Variants in SLC25A26 observed in about 807,000 individuals in gnomAD.
SLC25A26 encodes the protein solute carrier family 25 member 26.
A neutral mutation model predicts 37.8 loss-of-function variants in SLC25A26; 36 were observed. The ratio of observed to expected loss-of-function variants is 0.95; its 90% confidence interval spans 0.73 to 1.26. SLC25A26 has a LOEUF of 1.26. SLC25A26 is among the 50% of genes most tolerant of loss of function. SLC25A26 has a pLI of 0.00. For missense variants in SLC25A26, 390 were observed against 331.1 expected (o/e 1.18, Z -1.38); for synonymous variants, 129 against 122.5 (o/e 1.05, Z -0.35).
chr3:66,134,140 G>A (rs1316535061), intron 1 of SLC25A26, among the ~76,000 whole-genome samples: 1 of 152,154 alleles, frequency 6.6e-6, no homozygotes, highest in African/African-American at 2.4e-5. Flanking sequence ...ACAAAACAGG[G>A]ATAACTAGTT....
At chr3:66,368,254 G>A (rs1239514711) in intron 7 of SLC25A26, among the ~76,000 whole-genome samples, 1 of 152,156 alleles carries the variant, frequency 6.6e-6, no homozygotes, top group Non-Finnish European at 1.5e-5. Flanking sequence ...CCTAGCTCAT[G>A]GAAGCTGAAT....
chr3:66,273,883 G>T (rs1423222002), intron 5 of SLC25A26, among the ~76,000 whole-genome samples: 3 of 152,022 alleles, frequency 2.0e-5, no homozygotes, highest in African/African-American at 7.2e-5. Flanking sequence ...TTTCTTCACA[G>T]AATTGGAAAA....
intron 5 of SLC25A26, among the ~76,000 whole-genome samples, chr3:66,300,124 G>A (rs540113008): frequency 6.6e-6 from 1 of 152,214 alleles, no homozygotes; most frequent in African/African-American, 2.4e-5. Flanking sequence ...CCGTGTAAAA[G>A]GGTTTTTCAT....
chr3:66,280,590 G>C (rs1410999061), intron 5 of SLC25A26, among the ~76,000 whole-genome samples: 1 of 152,172 alleles, frequency 6.6e-6, no homozygotes, highest in African/African-American at 2.4e-5. Flanking sequence ...CGCTCGTCTA[G>C]TAACAGCATA....
At chr3:66,270,171 T>C (rs1181591466) in intron 5 of SLC25A26, among the ~76,000 whole-genome samples, 2 of 152,218 alleles carry the variant, frequency 1.3e-5, no homozygotes, top group Non-Finnish European at 2.9e-5. Context: ...CCAAAGCGTA[T>C]ATACTTTTCT....
chr3:66,206,984 T>C (rs2071189222), intron 1 of SLC25A26, among the ~76,000 whole-genome samples: 1 of 151,476 alleles, frequency 6.6e-6, no homozygotes, highest in Non-Finnish European at 1.5e-5. Context: ...TCAAGTCATC[T>C]GTCTGCCTTG....
chr3:66,355,550 G>A (rs1205192717), intron 6 of SLC25A26, among the ~76,000 whole-genome samples: 1 of 152,198 alleles, frequency 6.6e-6, no homozygotes, highest in Non-Finnish European at 1.5e-5. Flanking sequence ...GAGCTATGGT[G>A]TGGCGGAATG....
At chr3:66,161,401 C>T (rs1463982679) in intron 1 of SLC25A26, among the ~76,000 whole-genome samples, 1 of 152,138 alleles carries the variant, frequency 6.6e-6, no homozygotes, top group East Asian at 1.9e-4. Context: ...TCCCTCTCAC[C>T]AATCTTGACC....
chr3:66,378,826 A>ACACTT lies in SLC25A26; in HGVS notation c.*1022_*1026dup, dbSNP rs1491123175. 3 of 152,572 alleles carry ACACTT rather than the reference A, an allele frequency of 2.0e-5. No individual in the cohort carries two copies. The highest frequency in any genetic ancestry group is 4.4e-5 in the Non-Finnish European group (3 of 67,984). The allele number at this position is 152,572 out of a possible 1,614,324, so 9.5% of individuals were successfully genotyped here. On this transcript the variant is annotated 3_prime_UTR_variant, in exon 10 of 10. Transcript: ENST00000354883. ...ATTTATAAATGAACCTTTATTAAAG[A>ACACTT]CACTTCAATGCCATTTGTTAGACAC...
chr3:66,334,739 C>T (rs1224679347), intron 5 of SLC25A26, among the ~76,000 whole-genome samples: 1 of 151,996 alleles, frequency 6.6e-6, no homozygotes, highest in African/African-American at 2.4e-5. Context: ...GGTAAGAAGA[C>T]CCTCAGGGCA....
intron 3 of SLC25A26, among the ~76,000 whole-genome samples, chr3:66,260,602 C>G (rs1194452014): frequency 6.6e-6 from 1 of 152,216 alleles, no homozygotes; most frequent in Non-Finnish European, 1.5e-5. Flanking sequence ...TAGCTGACTT[C>G]ATGACATCTA....
intron 5 of SLC25A26, among the ~76,000 whole-genome samples, chr3:66,322,091 C>T (rs2075710158): frequency 6.6e-6 from 1 of 152,080 alleles, no homozygotes; most frequent in Admixed American, 6.6e-5. Context: ...CTTTGGGGGA[C>T]ACATTCAAAT....
chr3:66,288,193 A>G (rs1039810575), intron 5 of SLC25A26, among the ~76,000 whole-genome samples: 6 of 152,202 alleles, frequency 3.9e-5, no homozygotes, highest in Non-Finnish European at 8.8e-5. Context: ...TACTGACAAG[A>G]TAAGAACAAA....
intron 7 of SLC25A26, among the ~76,000 whole-genome samples, chr3:66,367,705 CACAG>C (rs1373664639): frequency 0.018 from 2,585 of 146,408 alleles, 68 homozygotes; most frequent in African/African-American, 0.064. Flanking sequence ...GACAGACAGA[CACAG>C]AGAGAGAGAG....
chr3:66,353,330 C>G (rs748704508), intron 6 of SLC25A26, among the ~76,000 whole-genome samples: 9 of 152,296 alleles, frequency 5.9e-5, no homozygotes, highest in Non-Finnish European at 1.0e-4. Context: ...ATCTCCTGTT[C>G]ATCTTCATGA....
intron 1 of SLC25A26, among the ~76,000 whole-genome samples, chr3:66,152,196 G>A (rs1271668288): frequency 6.6e-6 from 1 of 152,168 alleles, no homozygotes; most frequent in East Asian, 1.9e-4. Context: ...CAGTAGATCT[G>A]GAGAGGAGCC....
intron 6 of SLC25A26, among the ~76,000 whole-genome samples, chr3:66,360,384 A>C (rs2076669837): frequency 6.6e-6 from 1 of 152,200 alleles, no homozygotes; most frequent in Admixed American, 6.5e-5. Context: ...GGTCCTACTC[A>C]ATTCAGTAAG....
intron 5 of SLC25A26, among the ~76,000 whole-genome samples, chr3:66,333,124 A>T (rs1031685459): frequency 2.6e-5 from 4 of 152,164 alleles, no homozygotes; most frequent in African/African-American, 9.7e-5. Flanking sequence ...ATTTTCTTAC[A>T]GAGTCAGGAA....
At chr3:66,136,504 A>C (rs951463908) in intron 1 of SLC25A26, among the ~76,000 whole-genome samples, 1 of 152,258 alleles carries the variant, frequency 6.6e-6, no homozygotes, top group African/African-American at 2.4e-5. Context: ...TTTCATTTCT[A>C]AAATGGTATT....
Sources: gnomAD v4.1 joint callset for allele counts (sites outside exome capture counted in the v4.1 genomes callset) on GRCh38, gnomAD v4.1.1 for gene constraint, MANE v1.5 for transcripts, NCBI Gene and HGNC (gene_info 2026-07-23, HGNC 2026-07-21) for gene names.